PPFIA1: variants seen among roughly 807,000 people sequenced by gnomAD.
PPFIA1 encodes the protein PPFI scaffold protein A1.
In PPFIA1, 25 loss-of-function variants were observed where a neutral mutation model predicts 149.9. The ratio of observed to expected loss-of-function variants is 0.17; its 90% CI spans 0.12 to 0.23. PPFIA1 has a LOEUF of 0.23. PPFIA1 is among the 10% of genes least tolerant of loss of function. The probability of loss-of-function intolerance (pLI) is 1.00; values close to 1 mark genes in which losing one functional copy is unlikely to be tolerated. For missense variants in PPFIA1, 1,362 were observed against 1,506.5 expected (o/e 0.90, Z 1.59); for synonymous variants, 549 against 552.8 (o/e 0.99, Z 0.10).
At chr11:70,340,312 C>A (rs917538571) in intron 14 of PPFIA1, among the ~76,000 whole-genome samples, 25 of 151,904 alleles carry the variant, frequency 1.6e-4, no homozygotes, top group Admixed American at 1.4e-3. Flanking sequence ...GGTGGCATGT[C>A]CCTGCAGTCC....
intron 21 of PPFIA1, among the ~76,000 whole-genome samples, chr11:70,368,233 A>G (rs1257472622): frequency 1.3e-5 from 2 of 152,214 alleles, no homozygotes; most frequent in Non-Finnish European, 2.9e-5. Context: ...TTACCCAAAA[A>G]TGTTTGGCAT....
chr11:70,302,261 C>T (rs1341856517), intron 2 of PPFIA1, among the ~76,000 whole-genome samples: 1 of 152,190 alleles, frequency 6.6e-6, no homozygotes, highest in East Asian at 1.9e-4. Context: ...GAGCAGCCAG[C>T]AGCTTCGTAG....
chr11:70,325,545 G>C lies in PPFIA1; in HGVS notation c.577G>C (p.Glu193Gln). The change falls in exon 5 of 28, where the codon GAA becomes CAA. Residue 193 changes from glutamate (E) to glutamine (Q), a missense_variant. Coordinates refer to ENST00000253925, the MANE Select transcript of PPFIA1 (RefSeq NM_003626.5). Reference sequence around the variant, plus strand: ...AGCACTTGAAAGATGTAGTTTGTTAGAAGAGGAATTAGGTGCCACACACAA... The same window carrying C: ...AGCACTTGAAAGATGTAGTTTGTTACAAGAGGAATTAGGTGCCACACACAA... ...RVALERCSLLEEELGATHKEL... is the reference protein window; with the variant it reads ...RVALERCSLLQEELGATHKEL... 6.3e-7 allele frequency: 1 copy of C among 1,592,514 alleles called. No homozygotes were observed. Among genetic ancestry groups the C allele is most frequent in the Non-Finnish European group, 8.6e-7 (1 of 1,160,558 alleles).
intron 16 of PPFIA1, among the ~76,000 whole-genome samples, chr11:70,353,695 G>T (rs531266115): frequency 6.6e-6 from 1 of 152,258 alleles, no homozygotes; most frequent in African/African-American, 2.4e-5. Context: ...TGTTTAAACT[G>T]CATAAAAGTG....
At chr11:70,361,737 T>G (rs1201225579) in intron 19 of PPFIA1, among the ~76,000 whole-genome samples, 1 of 151,498 alleles carries the variant, frequency 6.6e-6, no homozygotes, top group African/African-American at 2.4e-5. Flanking sequence ...CACCTCAGCC[T>G]CCCAAGTAGC....
chr11:70,367,443 C>T (rs1318300461), intron 21 of PPFIA1: 14 of 450,468 alleles, frequency 3.1e-5, no homozygotes, highest in Non-Finnish European at 5.4e-5. Context: ...GCAGGACACC[C>T]ATGGTCCCCC....
chr11:70,302,104 A>G lies in PPFIA1; in HGVS notation c.265-22298A>G, dbSNP rs542159634. 7.2e-5 allele frequency among the ~76,000 whole-genome samples: 11 copies of G among 152,294 alleles called. No homozygotes were observed. The South Asian group carries it at 2.3e-3, about 32-fold the overall frequency. Reference sequence around the variant, plus strand: ...TAGACAGAATCCAGCATAGCACAGGAAAGGAGCTGGCCAGGTTGCCCTCAG... The same window carrying G: ...TAGACAGAATCCAGCATAGCACAGGGAAGGAGCTGGCCAGGTTGCCCTCAG... On this transcript the variant is annotated intron_variant, in intron 2 of 27. Coordinates refer to ENST00000253925, the MANE Select transcript of PPFIA1 (RefSeq NM_003626.5).
chr11:70,382,038 A>G, intron 26 of PPFIA1, 50 bp from the exon 27 acceptor site: 1 of 1,550,920 alleles, frequency 6.4e-7, no homozygotes. Flanking sequence ...ATGTTCTAAG[A>G]CTAACTGCAC....
intron 8 of PPFIA1, 106 bp downstream of exon 8, chr11:70,330,425 T>A: frequency 1.0e-6 from 1 of 975,042 alleles, no homozygotes; most frequent in Non-Finnish European, 1.5e-6. Context: ...AATATCAAGT[T>A]TTTATGACCT....
chr11:70,280,723 G>C (rs995749288), intron 2 of PPFIA1, among the ~76,000 whole-genome samples: 5 of 152,164 alleles, frequency 3.3e-5, no homozygotes, highest in African/African-American at 1.2e-4. Flanking sequence ...ATGTGCCACT[G>C]TGCCCAGCTA....
chr11:70,379,501 G>A lies in PPFIA1; in HGVS notation c.3550+1306G>A, dbSNP rs116633201. On this transcript the variant is annotated intron_variant, in intron 26 of 27. Transcript: ENST00000253925. ...TTTTTAAGTGCTAATTAGGGGCCAAGCATGGTGGCTTATACCAGTAATCCT... is the reference window on the plus strand; with the variant it reads ...TTTTTAAGTGCTAATTAGGGGCCAAACATGGTGGCTTATACCAGTAATCCT... Among the ~76,000 whole-genome samples the A allele has an allele frequency of 2.7e-3, 414 of 151,742 alleles. 3 individuals are homozygous for A. Among genetic ancestry groups the A allele is most frequent in the African/African-American group, 9.5e-3 (392 of 41,354 alleles).
At chr11:70,324,558 G>C in intron 3 of PPFIA1, 55 bp downstream of exon 3, 6 of 1,428,634 alleles carry the variant, frequency 4.2e-6, no homozygotes, top group Non-Finnish European at 4.9e-6. Context: ...TCAGGAGGAG[G>C]GGCGGTGTGT....
intron 16 of PPFIA1, chr11:70,350,873 A>T: frequency 2.5e-6 from 1 of 397,396 alleles, no homozygotes; most frequent in Non-Finnish European, 3.5e-6. Context: ...CATTTTCTCT[A>T]AATCCTGTCT....
chr11:70,338,711 G>A (rs2055129240), intron 13 of PPFIA1, among the ~76,000 whole-genome samples: 2 of 152,266 alleles, frequency 1.3e-5, no homozygotes, highest in African/African-American at 4.8e-5. Context: ...CCAGCAGAGT[G>A]TGACACTGAT....
intron 2 of PPFIA1, among the ~76,000 whole-genome samples, chr11:70,277,058 A>T (rs867285487): frequency 0.068 from 3,555 of 52,384 alleles, 146 homozygotes; most frequent in East Asian, 0.1. Context: ...ATATATATAT[A>T]TATTTTTTTT....
chr11:70,361,189 C>G (rs888780144), intron 19 of PPFIA1, among the ~76,000 whole-genome samples: 3 of 152,168 alleles, frequency 2.0e-5, no homozygotes, highest in African/African-American at 7.2e-5. Context: ...ACTGTTAAAG[C>G]TGTAGAAGAT....
intron 9 of PPFIA1, 23 bp downstream of exon 9, chr11:70,332,117 G>A: frequency 1.9e-6 from 3 of 1,565,300 alleles, no homozygotes; most frequent in Non-Finnish European, 2.6e-6. Flanking sequence ...GCTTCATTCT[G>A]GTTCGGCTGC....
intron 2 of PPFIA1, among the ~76,000 whole-genome samples, chr11:70,284,796 G>A (rs1453353782): frequency 6.6e-6 from 1 of 152,080 alleles, no homozygotes; most frequent in Non-Finnish European, 1.5e-5. Context: ...TCAAAGCTGG[G>A]GTCTGTGGCC....
intron 2 of PPFIA1, among the ~76,000 whole-genome samples, chr11:70,316,583 A>G (rs1038319011): frequency 2.0e-5 from 3 of 152,198 alleles, no homozygotes; most frequent in African/African-American, 7.2e-5. Flanking sequence ...CCAGGCACCC[A>G]CGTGAGGTTG....
Sources: allele counts gnomAD v4.1 joint callset (sites outside exome capture counted in the v4.1 genomes callset), GRCh38; gene constraint gnomAD v4.1.1; transcripts MANE v1.5; gene names NCBI Gene and HGNC (gene_info 2026-07-23, HGNC 2026-07-21).